The following SLC35F4 variants were observed in gnomAD, a reference collection of about 807,000 sequenced individuals.
The protein encoded by SLC35F4 is chromosome 14 open reading frame 36.
Under a neutral mutation model 44.2 loss-of-function variants are expected in SLC35F4, and 24 were observed. The observed-to-expected ratio is 0.54, with a 90% CI of 0.39 to 0.76. The LOEUF (loss-of-function observed/expected upper bound fraction) is 0.76. Ranked by LOEUF, SLC35F4 falls within the 30% of genes least tolerant of loss-of-function variation. The pLI is 0.00. For missense variants in SLC35F4, 562 were observed against 586.1 expected (o/e 0.96, Z 0.42); for synonymous variants, 238 against 223.6 (o/e 1.06, Z -0.57).
At chr14:57,640,804 T>G (rs534809006) in intron 1 of SLC35F4, among the ~76,000 whole-genome samples, 1 of 152,130 alleles carries the variant, frequency 6.6e-6, no homozygotes, top group African/African-American at 2.4e-5. Context: ...GTTCAGTCCT[T>G]AAAGAAAGCC....
chr14:57,824,442 C>T (rs10145271), intron 1 of SLC35F4, among the ~76,000 whole-genome samples: 22,656 of 151,866 alleles, frequency 0.15, 2,075 homozygotes, highest in African/African-American at 0.26. Flanking sequence ...CATATGTACA[C>T]GCATACATAT....
At chr14:57,581,151 C>T in intron 4 of SLC35F4, 63 bp downstream of exon 4, 1 of 1,433,172 alleles carries the variant, frequency 7.0e-7, no homozygotes, top group South Asian at 1.6e-5. Context: ...CAGACAGGCT[C>T]TCCTGAAGCC....
chr14:57,826,125 T>C (rs1289144803), intron 1 of SLC35F4, among the ~76,000 whole-genome samples: 1 of 152,160 alleles, frequency 6.6e-6, no homozygotes, highest in African/African-American at 2.4e-5. Flanking sequence ...ACTACAATGC[T>C]ACAGTAACCA....
intron 1 of SLC35F4, among the ~76,000 whole-genome samples, chr14:57,780,716 T>C (rs933650276): frequency 2.0e-5 from 3 of 152,114 alleles, no homozygotes; most frequent in Admixed American, 6.5e-5. Context: ...TAAAACAGCA[T>C]GGTACTGGTA....
intron 1 of SLC35F4, among the ~76,000 whole-genome samples, chr14:57,722,458 G>A (rs535652781): frequency 9.2e-5 from 14 of 152,306 alleles, no homozygotes; most frequent in African/African-American, 2.9e-4. Context: ...TTGCAAAATA[G>A]ATTTGTGAGG....
chr14:57,580,463 A>C, intron 4 of SLC35F4: 1 of 307,656 alleles, frequency 3.3e-6, no homozygotes. Context: ...GTGTTGTCTC[A>C]ATATGTTCAT....
upstream of SLC35F4, among the ~76,000 whole-genome samples, chr14:57,870,889 G>T (rs552906721): frequency 1.1e-4 from 16 of 152,322 alleles, no homozygotes; most frequent in East Asian, 9.6e-4. Flanking sequence ...GGCAGACCTT[G>T]TGTGCCAATG....
intron 1 of SLC35F4, among the ~76,000 whole-genome samples, chr14:57,674,915 C>G (rs2074640233): frequency 6.6e-6 from 1 of 152,080 alleles, no homozygotes; most frequent in Non-Finnish European, 1.5e-5. Flanking sequence ...GAGGGAGATA[C>G]TATCTCTGTA....
intron 1 of SLC35F4, among the ~76,000 whole-genome samples, chr14:57,951,597 G>C (rs1221819303): frequency 6.6e-6 from 1 of 152,148 alleles, no homozygotes; most frequent in African/African-American, 2.4e-5. Flanking sequence ...AGCTTGGTGT[G>C]GGGAGGGGCA....
intron 1 of SLC35F4, among the ~76,000 whole-genome samples, chr14:57,945,439 A>ATGTG (rs58976756): frequency 0.088 from 9,254 of 104,602 alleles, 624 homozygotes; most frequent in Middle Eastern, 0.097. Context: ...AGCAATGATA[A>ATGTG]TGTGTGTGTG....
chr14:57,804,053 A>G (rs565990562), intron 1 of SLC35F4, among the ~76,000 whole-genome samples: 21 of 152,280 alleles, frequency 1.4e-4, no homozygotes, highest in Non-Finnish European at 2.5e-4. Flanking sequence ...CTAGGGATAC[A>G]ACTAAAAAGG....
intron 1 of SLC35F4, among the ~76,000 whole-genome samples, chr14:57,872,718 T>C (rs568551834): frequency 1.3e-5 from 2 of 152,348 alleles, no homozygotes; most frequent in South Asian, 4.1e-4. Flanking sequence ...CATTCCATTC[T>C]GAATGGACTT....
intron 3 of SLC35F4, among the ~76,000 whole-genome samples, chr14:57,581,837 T>C (rs1240124641): frequency 1.3e-5 from 2 of 152,232 alleles, no homozygotes; most frequent in Non-Finnish European, 2.9e-5. Context: ...AGACAACTCC[T>C]AGAACCCGGA....
chr14:57,702,144 G>C (rs1338814104), intron 1 of SLC35F4, among the ~76,000 whole-genome samples: 1 of 152,064 alleles, frequency 6.6e-6, no homozygotes, highest in Non-Finnish European at 1.5e-5. Context: ...GTCCCACCCT[G>C]GACTGGCATC....
At chr14:57,703,456 G>A (rs2075592802) in intron 1 of SLC35F4, among the ~76,000 whole-genome samples, 1 of 152,214 alleles carries the variant, frequency 6.6e-6, no homozygotes, top group Non-Finnish European at 1.5e-5. Flanking sequence ...ACAGACAAAT[G>A]TGAGTAATCC....
At chr14:57,629,830 AG>A in intron 1 of SLC35F4, 6 of 333,930 alleles carry the variant, frequency 1.8e-5, no homozygotes, top group South Asian at 4.9e-5. Flanking sequence ...GTGGGAGTGG[AG>A]GATCGGCAGC....
At chr14:57,616,748 G>T (rs60409110) in intron 1 of SLC35F4, among the ~76,000 whole-genome samples, 2 of 151,796 alleles carry the variant, frequency 1.3e-5, no homozygotes, top group Admixed American at 6.6e-5. Context: ...GCCTCTCCTT[G>T]TCCATATAGT....
chr14:57,602,265 A>C (rs754584252), intron 1 of SLC35F4: 3 of 152,174 alleles, frequency 2.0e-5, no homozygotes, highest in Non-Finnish European at 4.4e-5. Context: ...AGCTTCCAAC[A>C]CAGGAAAGTG....
chr14:57,698,964 G>C (rs2075459381), intron 1 of SLC35F4, among the ~76,000 whole-genome samples: 1 of 152,092 alleles, frequency 6.6e-6, no homozygotes, highest in African/African-American at 2.4e-5. Context: ...CCAGAAGGAT[G>C]ACAGCAGATG....
Sources: allele counts gnomAD v4.1 joint callset (sites outside exome capture counted in the v4.1 genomes callset), GRCh38; gene constraint gnomAD v4.1.1; transcripts MANE v1.5; gene names NCBI Gene and HGNC (gene_info 2026-07-23, HGNC 2026-07-21).